The following LCK variants were observed in gnomAD, a reference collection of about 807,000 sequenced individuals.
LCK encodes LCK proto-oncogene, Src family tyrosine kinase, also known as tyrosine-protein kinase Lck.
Under a neutral mutation model 64.6 loss-of-function variants are expected in LCK, and 14 were observed. The observed-to-expected ratio is 0.22, with a 90% confidence interval of 0.14 to 0.34. LCK has a LOEUF of 0.34. LCK is among the 10% of genes least tolerant of loss of function. LCK has a pLI of 1.00. For synonymous variants in LCK, 277 were observed against 263.6 expected (o/e 1.05, Z -0.49); for missense variants, 434 against 668.1 (o/e 0.65, Z 3.86).
chr1:32,285,722 C>T lies in LCK; in HGVS notation c.*6C>T. On this transcript the variant is annotated 3_prime_UTR_variant, in exon 13 of 13. Coordinates refer to ENST00000336890, the MANE Select transcript of LCK (RefSeq NM_005356.5). ...AGTACCAGCCTCAGCCTTGAGAGGC[C>T]TTGAGAGGCCCTGGGGTTCTCCCCC... is the stretch of plus-strand genomic sequence containing the variant. 1 of 1,581,822 alleles carries T rather than the reference C, an allele frequency of 6.3e-7. No homozygotes were observed. Among genetic ancestry groups the T allele is most frequent in the Non-Finnish European group, 8.6e-7 (1 of 1,163,744 alleles).
intron 12 of LCK, among the ~76,000 whole-genome samples, chr1:32,283,432 A>G (rs1177026472): frequency 6.6e-6 from 1 of 152,080 alleles, no homozygotes; most frequent in Non-Finnish European, 1.5e-5. Flanking sequence ...TAAATACCCT[A>G]TAAGGTTTTG....
At chr1:32,272,617 GAGAGAA>G (rs1242856684) in intron 1 of LCK, among the ~76,000 whole-genome samples, 1 of 145,804 alleles carries the variant, frequency 6.9e-6, no homozygotes, top group Non-Finnish European at 1.5e-5. Context: ...GAGAGAGAGA[GAGAGAA>G]AGAGAGAGAG....
chr1:32,266,577 C>T lies in LCK; in HGVS notation c.-5-7748C>T, dbSNP rs572861214. 3.2e-3 allele frequency among the ~76,000 whole-genome samples: 472 copies of T among 147,932 alleles called. 3 individuals carry two copies. Among genetic ancestry groups the T allele is most frequent in the African/African-American group, 0.011 (420 of 38,526 alleles). ...CTGAGATTATAGGCCTGAGCTACTA[C>T]GCCCTTTCTTCCTCCTCCTCCTCCT... On this transcript the variant is annotated intron_variant, in intron 1 of 12. Coordinates refer to ENST00000336890, the MANE Select transcript of LCK (RefSeq NM_005356.5).
At chr1:32,273,678 T>A (rs1390586945) in intron 1 of LCK, among the ~76,000 whole-genome samples, 1 of 151,826 alleles carries the variant, frequency 6.6e-6, no homozygotes, top group African/African-American at 2.4e-5. Flanking sequence ...TTTCCACTGC[T>A]AAAACAGGCA....
intron 12 of LCK, among the ~76,000 whole-genome samples, chr1:32,280,443 C>CTTTTTCTTTTTTTT (rs1640420225): frequency 1.2e-5 from 1 of 84,744 alleles, no homozygotes; most frequent in African/African-American, 5.5e-5. Context: ...TTTTCTTTTT[C>CTTTTTCTTTTTTTT]TTTTTTTTTT....
chr1:32,272,843 G>T (rs1463456973), intron 1 of LCK, among the ~76,000 whole-genome samples: 2 of 146,592 alleles, frequency 1.4e-5, no homozygotes, highest in East Asian at 4.2e-4. Flanking sequence ...TCTATGGAGG[G>T]GATGCCTGTG....
rs1639513859 is a variant in LCK at position 32,251,890 on chromosome 1, GAGAA to G, written c.-6+523_-6+526del. On this transcript the variant is annotated intron_variant, in intron 1 of 12. Transcript: ENST00000336890. This position sits in a 1 kb window ranked among gnomAD's most constrained non-coding sequence, Gnocchi z 4.0. The stretch of plus-strand genomic sequence containing the variant: ...CAGACCCCAGTGACAAGAATCTCCT[GAGAA>G]AGAGAGAGAGAGAGAGAGAGAGAGA... Among the ~76,000 whole-genome samples the G allele has an allele frequency of 1.0e-5, 1 of 98,954 alleles. No homozygotes were observed. The highest frequency in any genetic ancestry group is 4.3e-5 in the African/African-American group (1 of 23,200). 64.9% of individuals were successfully genotyped at this position (98,954 alleles called of 152,430 possible).
intron 1 of LCK, among the ~76,000 whole-genome samples, chr1:32,262,655 C>A (rs531363569): frequency 2.1e-4 from 32 of 151,592 alleles, no homozygotes; most frequent in African/African-American, 7.2e-4. Context: ...AACTCCTGGG[C>A]TCAAGGAGTC....
chr1:32,272,800 T>TTG (rs1038942864), intron 1 of LCK, among the ~76,000 whole-genome samples: 2 of 105,136 alleles, frequency 1.9e-5, no homozygotes, highest in Admixed American at 9.1e-5. Flanking sequence ...GTGTGGGTGT[T>TTG]TGTGTGTGTG....
intron 1 of LCK, among the ~76,000 whole-genome samples, chr1:32,265,222 T>A (rs755357403): frequency 9.9e-5 from 15 of 151,714 alleles, no homozygotes; most frequent in Non-Finnish European, 2.2e-4. Flanking sequence ...TAATTAAGTA[T>A]GCAATGAAGA....
intron 1 of LCK, among the ~76,000 whole-genome samples, chr1:32,259,087 C>T (rs139089763): frequency 0.011 from 1,654 of 151,462 alleles, 32 homozygotes; most frequent in African/African-American, 0.038. Context: ...AGGACACATC[C>T]CTGATTTACC....
intron 1 of LCK, among the ~76,000 whole-genome samples, chr1:32,265,958 C>T (rs776235769): frequency 6.6e-5 from 10 of 152,106 alleles, no homozygotes; most frequent in Non-Finnish European, 1.2e-4. Context: ...CTACAGCACC[C>T]GGCCTTGTTT....
In LCK at chr1:32,251,743, G is replaced by A. The variant is rs1459582916; in HGVS notation, c.-6+372G>A. Among the ~76,000 whole-genome samples, 2 of 152,150 alleles carry A rather than the reference G, an allele frequency of 1.3e-5. No individual in the cohort carries two copies. Among genetic ancestry groups the A allele is most frequent in the East Asian group, 1.9e-4 (1 of 5,194 alleles). On this transcript the variant is annotated intron_variant, in intron 1 of 12. Coordinates refer to ENST00000336890, the MANE Select transcript of LCK (RefSeq NM_005356.5). This position sits in a 1 kb window ranked among gnomAD's most constrained non-coding sequence, Gnocchi z 4.0. Reference sequence around the variant, plus strand: ...AGAGAACAAGGCACTCACTGCCCACGGTTTCTCAGCAAGGCAGTGGCAGGG... The same window carrying A: ...AGAGAACAAGGCACTCACTGCCCACAGTTTCTCAGCAAGGCAGTGGCAGGG...
chr1:32,261,039 T>C lies in LCK; in HGVS notation c.-6+9668T>C, dbSNP rs1179278664. Among the ~76,000 whole-genome samples the C allele has an allele frequency of 3.9e-5, 6 of 152,244 alleles. No homozygotes were observed. The East Asian group carries it at 1.2e-3, about 29-fold the overall frequency. On this transcript the variant is annotated intron_variant, in intron 1 of 12. Transcript: ENST00000336890. ...TCTATAGTTGGAGGAGAAAAAATGTTAACTTAAAAATTTTTTTTAATTTAA... is the reference window on the plus strand; with the variant it reads ...TCTATAGTTGGAGGAGAAAAAATGTCAACTTAAAAATTTTTTTTAATTTAA...
intron 1 of LCK, among the ~76,000 whole-genome samples, chr1:32,272,732 A>C (rs1489458001): frequency 2.0e-5 from 3 of 151,850 alleles, no homozygotes; most frequent in Admixed American, 1.3e-4. Context: ...GTGTTTGGGA[A>C]AGGCAAGAAT....
chr1:32,274,608 A>T (rs1017523473), intron 2 of LCK, 129 bp from the exon 3 acceptor site: 2 of 931,096 alleles, frequency 2.1e-6, no homozygotes. Flanking sequence ...TCACACAGAA[A>T]GTAGTTGGTA....
chr1:32,259,713 G>A (rs1639721475), intron 1 of LCK, among the ~76,000 whole-genome samples: 1 of 152,016 alleles, frequency 6.6e-6, no homozygotes, highest in African/African-American at 2.4e-5. Context: ...AGGAGGCTGA[G>A]GTGGGAGGAT....
chr1:32,276,836 C>A lies in LCK; in HGVS notation c.964+50C>A. ...CAGGGGATACTGCTCTCCCTGCTGT[C>A]CCTGCCAGAGGGTGGAAATACACCT... On this transcript the variant is annotated intron_variant, in intron 9 of 12. Coordinates refer to ENST00000336890, the MANE Select transcript of LCK (RefSeq NM_005356.5). The surrounding 1 kb of genome is among the most constrained non-coding windows in gnomAD (Gnocchi z 4.6). 6.7e-7 allele frequency: 1 copy of A among 1,502,314 alleles called. No homozygotes were observed. Among genetic ancestry groups the A allele is most frequent in the South Asian group, 1.3e-5 (1 of 78,722 alleles). The allele number at this position is 1,502,314 out of a possible 1,614,324, so 93.1% of individuals were successfully genotyped here. A position where few individuals can be genotyped will look rare whatever the true frequency, so the allele number is the denominator to read the frequency against.
chr1:32,255,973 TA>T (rs528970344), intron 1 of LCK, among the ~76,000 whole-genome samples: 1 of 151,548 alleles, frequency 6.6e-6, no homozygotes, highest in South Asian at 2.1e-4. Context: ...CAGCTAATTA[TA>T]AAAAAATTCT....
Sources: allele counts gnomAD v4.1 joint callset (sites outside exome capture counted in the v4.1 genomes callset), GRCh38; gene constraint gnomAD v4.1.1; non-coding constraint Gnocchi (gnomAD v3.1); transcripts MANE v1.5; gene names NCBI Gene and HGNC (gene_info 2026-07-23, HGNC 2026-07-21).